EPHB1: variants seen among roughly 807,000 people sequenced by gnomAD.
EPHB1 encodes ephrin type-B receptor 1.
In EPHB1, 30 loss-of-function variants were observed where a neutral mutation model predicts 94.4. The ratio of observed to expected loss-of-function variants is 0.32; its 90% CI spans 0.24 to 0.43. EPHB1 has a LOEUF of 0.43. Among genes scored for constraint, EPHB1 ranks in the 20% least tolerant of loss-of-function variants. EPHB1 has a pLI of 1.00. For missense variants in EPHB1, 1,055 were observed against 1,308.3 expected, an observed-to-expected ratio of 0.81 and a Z score of 2.99; for synonymous variants, 522 against 489.1, an observed-to-expected ratio of 1.07 and a Z score of -0.89.
intron 3 of EPHB1, among the ~76,000 whole-genome samples, chr3:135,039,475 G>T (rs1936759880): frequency 6.6e-6 from 1 of 152,214 alleles, no homozygotes; most frequent in Admixed American, 6.5e-5. Context: ...CGTGGAGTAG[G>T]GGGTGGTGCT....
At chr3:135,192,328 T>G (rs1942478434) in intron 10 of EPHB1, among the ~76,000 whole-genome samples, 1 of 152,282 alleles carries the variant, frequency 6.6e-6, no homozygotes, top group African/African-American at 2.4e-5. Context: ...TATTCTGAAA[T>G]TCCACTTTAG....
At chr3:134,970,505 A>G (rs72973580) in intron 3 of EPHB1, among the ~76,000 whole-genome samples, 2,190 of 152,202 alleles carry the variant, frequency 0.014, 56 homozygotes, top group African/African-American at 0.049. Flanking sequence ...CACTTATTAT[A>G]GTGTGAGCTT....
chr3:134,796,601 G>T (rs1304457221), intron 1 of EPHB1, among the ~76,000 whole-genome samples: 1 of 152,258 alleles, frequency 6.6e-6, no homozygotes, highest in Non-Finnish European at 1.5e-5. Flanking sequence ...GCGAATCCCT[G>T]TGGGAAATCC....
At chr3:135,239,039 G>A (rs1213028634) in intron 12 of EPHB1, among the ~76,000 whole-genome samples, 2 of 152,242 alleles carry the variant, frequency 1.3e-5, no homozygotes, top group Non-Finnish European at 2.9e-5. Context: ...TCTGGGGGAT[G>A]ATGAGAACAG....
In EPHB1 at chr3:135,001,282, T is replaced by A. The variant is rs750560590; in HGVS notation, c.805+49230T>A. On this transcript the variant is annotated intron_variant, in intron 3 of 15. Coordinates refer to ENST00000398015, the MANE Select transcript of EPHB1 (RefSeq NM_004441.5). ...GAAAAGAAGAAATGGGGGATTGGAA[T>A]CAAGAGGCTACAAGGCATCTGGGAG... is the stretch of plus-strand genomic sequence containing the variant. Among the ~76,000 whole-genome samples the A allele has an allele frequency of 5.3e-5, 8 of 152,154 alleles. 1 individual carries two copies.
intron 12 of EPHB1, among the ~76,000 whole-genome samples, chr3:135,225,972 G>A (rs1166666266): frequency 6.6e-6 from 1 of 152,228 alleles, no homozygotes; most frequent in Non-Finnish European, 1.5e-5. Context: ...AAATCTTAAA[G>A]TAGATCAAAC....
At chr3:135,229,441 A>AG (rs987331495) in intron 12 of EPHB1, among the ~76,000 whole-genome samples, 1 of 152,256 alleles carries the variant, frequency 6.6e-6, no homozygotes, top group African/African-American at 2.4e-5. Flanking sequence ...TAGCTGTTGG[A>AG]GGGCGGGGGC....
chr3:134,809,629 T>C (rs1200935261), intron 1 of EPHB1, among the ~76,000 whole-genome samples: 1 of 152,238 alleles, frequency 6.6e-6, no homozygotes, highest in African/African-American at 2.4e-5. Flanking sequence ...CTGCCAGGGC[T>C]ACATCGCCCT....
At chr3:135,196,772 G>T (rs936541095) in intron 11 of EPHB1, among the ~76,000 whole-genome samples, 14 of 152,014 alleles carry the variant, frequency 9.2e-5, no homozygotes, top group Non-Finnish European at 2.9e-5. Flanking sequence ...GAGTGGCTAC[G>T]GTTCTAGCCC....
chr3:135,216,106 G>A (rs1304236964), intron 12 of EPHB1, among the ~76,000 whole-genome samples: 1 of 152,138 alleles, frequency 6.6e-6, no homozygotes, highest in Non-Finnish European at 1.5e-5. Flanking sequence ...TCTTTTCACG[G>A]GGTGGCAACA....
At chr3:135,039,605 C>T (rs572529608) in intron 3 of EPHB1, among the ~76,000 whole-genome samples, 8 of 152,338 alleles carry the variant, frequency 5.3e-5, no homozygotes, top group Middle Eastern at 3.4e-3. Context: ...GGCGAGAAAT[C>T]GAGCACAGCG....
At chr3:134,899,323 G>A (rs557600232) in intron 1 of EPHB1, among the ~76,000 whole-genome samples, 1 of 152,270 alleles carries the variant, frequency 6.6e-6, no homozygotes, top group African/African-American at 2.4e-5. Flanking sequence ...GATTGGTCCT[G>A]AGATTGGCCT....
intron 1 of EPHB1, among the ~76,000 whole-genome samples, chr3:134,825,846 TC>T (rs1467945569): frequency 6.6e-6 from 1 of 152,194 alleles, no homozygotes; most frequent in African/African-American, 2.4e-5. Context: ...CTCCCAGTTT[TC>T]TACTGTCTTT....
chr3:135,186,241 C>T (rs1216675582), intron 10 of EPHB1, among the ~76,000 whole-genome samples: 1 of 152,212 alleles, frequency 6.6e-6, no homozygotes, highest in Non-Finnish European at 1.5e-5. Flanking sequence ...AATACCGTGG[C>T]TGTCAAGCAG....
At chr3:135,227,015 T>TG (rs1390521312) in intron 12 of EPHB1, among the ~76,000 whole-genome samples, 3 of 152,160 alleles carry the variant, frequency 2.0e-5, no homozygotes, top group African/African-American at 7.2e-5. Flanking sequence ...TGCAGACTAC[T>TG]GAAGGGTGGG....
chr3:135,198,772 T>A (rs1189656332), intron 11 of EPHB1, among the ~76,000 whole-genome samples: 3 of 152,182 alleles, frequency 2.0e-5, no homozygotes, highest in African/African-American at 7.2e-5. Context: ...GCTAGGGCCT[T>A]TCATATGTGT....
At chr3:135,126,709 G>A (rs951550181) in intron 4 of EPHB1, among the ~76,000 whole-genome samples, 1 of 152,180 alleles carries the variant, frequency 6.6e-6, no homozygotes, top group African/African-American at 2.4e-5. Flanking sequence ...CTATTGATTT[G>A]CACTGGTCAT....
At chr3:134,834,496 C>T (rs980939368) in intron 1 of EPHB1, among the ~76,000 whole-genome samples, 2 of 152,196 alleles carry the variant, frequency 1.3e-5, no homozygotes, top group Non-Finnish European at 2.9e-5. Context: ...AGCTGGGTGT[C>T]ATCCCCAGGG....
At chr3:134,882,761 C>T (rs9816250) in intron 1 of EPHB1, among the ~76,000 whole-genome samples, 8,875 of 30,256 alleles carry the variant, frequency 0.29, 740 homozygotes, top group South Asian at 0.35. Context: ...TTTCTTCCTT[C>T]CTTCCTTTCT....
Sources: allele counts gnomAD v4.1 joint callset (sites outside exome capture counted in the v4.1 genomes callset), GRCh38; gene constraint gnomAD v4.1.1; transcripts MANE v1.5; gene names NCBI Gene and HGNC (gene_info 2026-07-23, HGNC 2026-07-21).